The following PRELID2 variants were observed in gnomAD, a reference collection of about 807,000 sequenced individuals.
The protein encoded by PRELID2 is PRELI domain-containing protein 2.
PRELID2 carries 25 observed loss-of-function variants against 28.4 expected under a neutral mutation model. That is an observed-to-expected ratio of 0.88 (90% CI 0.64 to 1.23). The LOEUF (loss-of-function observed/expected upper bound fraction) is 1.23, where lower values mean the gene tolerates loss of function less well. Ranked by LOEUF, PRELID2 falls within the 50% of genes most tolerant of loss-of-function variation. The pLI is 0.00. For missense variants in PRELID2, 201 were observed against 214.4 expected (o/e 0.94, Z 0.39); for synonymous variants, 76 against 71.6 (o/e 1.06, Z -0.31).
the PRELID2 span, among the ~76,000 whole-genome samples, chr5:145,239,133 T>C: frequency 6.6e-6 from 1 of 152,102 alleles, no homozygotes; most frequent in African/African-American, 2.4e-5. Context: ...TTTAAAATTG[T>C]GCTATAATCT....
chr5:145,375,779 G>A, the PRELID2 span, among the ~76,000 whole-genome samples: 1 of 152,190 alleles, frequency 6.6e-6, no homozygotes, highest in Non-Finnish European at 1.5e-5. Context: ...TGGTTTGGTG[G>A]GCTGTTGGCA....
chr5:145,800,301 T>TAC (rs10555229), intron 4 of PRELID2, among the ~76,000 whole-genome samples: 87,871 of 138,306 alleles, frequency 0.64, 28,514 homozygotes, highest in Middle Eastern at 0.76. Flanking sequence ...CCCCTTCTCT[T>TAC]ACACACACAC....
At chr5:145,472,813 C>A (rs1442210761) in intron 2 of PRELID2, among the ~76,000 whole-genome samples, 1 of 152,106 alleles carries the variant, frequency 6.6e-6, no homozygotes, top group Non-Finnish European at 1.5e-5. Flanking sequence ...ACTCAAGGAT[C>A]TTTAGTTATA....
At chr5:145,529,797 G>A (rs1554075360) in intron 1 of PRELID2, among the ~76,000 whole-genome samples, 1 of 152,136 alleles carries the variant, frequency 6.6e-6, no homozygotes, top group Non-Finnish European at 1.5e-5. Context: ...TCTCTGACGA[G>A]ATATTTGAGC....
rs772901344 is a variant in PRELID2, at chr5:145,790,721, G to GTGTGTGTGTGTGTATATATA, written c.474+5720_474+5721insTATATATACACACACACACA. 6.2e-3 allele frequency among the ~76,000 whole-genome samples: 688 copies of GTGTGTGTGTGTGTATATATA among 110,870 alleles called. 5 individuals carry two copies. Among genetic ancestry groups the GTGTGTGTGTGTGTATATATA allele is most frequent in the Non-Finnish European group, 9.9e-3 (527 of 53,236 alleles). 72.7% of individuals were successfully genotyped at this position (110,870 alleles called of 152,430 possible). A position where few individuals can be genotyped will look rare whatever the true frequency, so the allele number is the denominator to read the frequency against. ...CCACATTGTGTGTGTGTGTGTGTGT[G>GTGTGTGTGTGTGTATATATA]TATATATATATATATATATATATAT... On this transcript the variant is annotated intron_variant, in intron 5 of 6. Coordinates refer to ENST00000683046, the MANE Select transcript of PRELID2 (RefSeq NM_205846.3).
intron 1 of PRELID2, among the ~76,000 whole-genome samples, chr5:145,531,303 A>C (rs115472382): frequency 0.027 from 4,099 of 152,216 alleles, 158 homozygotes; most frequent in African/African-American, 0.087. Flanking sequence ...CAGACTAAAA[A>C]ATCTTGTCCA....
At chr5:145,362,995 G>A in the PRELID2 span, among the ~76,000 whole-genome samples, 1 of 150,150 alleles carries the variant, frequency 6.7e-6, no homozygotes, top group Non-Finnish European at 1.5e-5. Flanking sequence ...CCTTACACTT[G>A]CAATGTCAAA....
the PRELID2 span, among the ~76,000 whole-genome samples, chr5:145,298,150 C>T: frequency 1.3e-5 from 2 of 152,122 alleles, no homozygotes; most frequent in South Asian, 2.1e-4. Flanking sequence ...AAAAAAGAGC[C>T]CGCATCGCCC....
At chr5:145,799,712 G>T (rs1446704872) in intron 4 of PRELID2, among the ~76,000 whole-genome samples, 1 of 152,156 alleles carries the variant, frequency 6.6e-6, no homozygotes, top group Non-Finnish European at 1.5e-5. Context: ...AGATGTTAGG[G>T]TATGAGGCTG....
intron 1 of PRELID2, among the ~76,000 whole-genome samples, chr5:145,607,095 G>GT: frequency 6.6e-6 from 1 of 151,938 alleles, no homozygotes; most frequent in Non-Finnish European, 1.5e-5. Context: ...AATGTAACCT[G>GT]TGTCATTTCT....
chr5:145,742,328 A>T (rs80213970), intron 1 of PRELID2, among the ~76,000 whole-genome samples: 114,126 of 137,498 alleles, frequency 0.83, 47,698 homozygotes, highest in East Asian at 0.95. Flanking sequence ...AAATAGATAT[A>T]TTTTTTTTTT....
At chr5:145,785,459 A>G (rs1171325863) in intron 5 of PRELID2, among the ~76,000 whole-genome samples, 1 of 152,252 alleles carries the variant, frequency 6.6e-6, no homozygotes, top group Non-Finnish European at 1.5e-5. Flanking sequence ...ACTTCAGCAC[A>G]TGATGTATAC....
chr5:145,382,721 T>G, the PRELID2 span, among the ~76,000 whole-genome samples: 1 of 152,022 alleles, frequency 6.6e-6, no homozygotes, highest in Non-Finnish European at 1.5e-5. Context: ...CTCTTAAGGA[T>G]CTCTTATGAG....
At chr5:145,821,775 T>C (rs1754851159) in intron 2 of PRELID2, among the ~76,000 whole-genome samples, 1 of 152,210 alleles carries the variant, frequency 6.6e-6, no homozygotes, top group Non-Finnish European at 1.5e-5. Flanking sequence ...CCCCTGACGA[T>C]GACAGAAATT....
intron 1 of PRELID2, among the ~76,000 whole-genome samples, chr5:145,577,371 A>C (rs941458875): frequency 2.6e-5 from 4 of 152,138 alleles, no homozygotes; most frequent in Non-Finnish European, 4.4e-5. Flanking sequence ...TGAAGAAAAC[A>C]ATAAATGATC....
chr5:145,799,426 T>C (rs1399511128), intron 4 of PRELID2, among the ~76,000 whole-genome samples: 2 of 152,100 alleles, frequency 1.3e-5, no homozygotes, highest in Non-Finnish European at 2.9e-5. Context: ...ATATGCTAAG[T>C]GCCATACTGA....
chr5:145,354,275 C>T, the PRELID2 span, among the ~76,000 whole-genome samples: 1 of 152,144 alleles, frequency 6.6e-6, no homozygotes, highest in Non-Finnish European at 1.5e-5. Context: ...TCCTAGCCCA[C>T]TGTGTTTCTC....
the PRELID2 span, among the ~76,000 whole-genome samples, chr5:145,255,128 G>A: frequency 6.6e-6 from 1 of 151,970 alleles, no homozygotes; most frequent in South Asian, 2.1e-4. Context: ...TTTAGTCTCT[G>A]CTATTCTTTT....
At chr5:145,735,889 C>A (rs987806) in intron 1 of PRELID2, among the ~76,000 whole-genome samples, 124,244 of 152,128 alleles carry the variant, frequency 0.82, 51,174 homozygotes, top group East Asian at 0.88. Flanking sequence ...GCATGACCGA[C>A]CACATTGTGA....
Sources: allele counts gnomAD v4.1 joint callset (sites outside exome capture counted in the v4.1 genomes callset), GRCh38; gene constraint gnomAD v4.1.1; transcripts MANE v1.5; gene names NCBI Gene and HGNC (gene_info 2026-07-23, HGNC 2026-07-21).